The following PTGER1 variants were observed in gnomAD, a reference collection of about 807,000 sequenced individuals.
PTGER1 encodes prostaglandin E receptor 1.
In PTGER1, 15 loss-of-function variants were observed where a neutral mutation model predicts 18.5. The ratio of observed to expected loss-of-function variants is 0.81; its 90% confidence interval spans 0.54 to 1.25. The LOEUF is 1.25. Ranked by LOEUF, PTGER1 falls within the 50% of genes most tolerant of loss-of-function variation. The pLI is 0.00. For missense variants in PTGER1, 567 were observed against 603.4 expected, an observed-to-expected ratio of 0.94 and a Z score of 0.63; for synonymous variants, 339 against 308.4, an observed-to-expected ratio of 1.10 and a Z score of -1.04.
In PTGER1 at chr19:14,472,860, G is replaced by C. The variant is rs1335291177; in HGVS notation, c.943-34C>G. ...GAAGCCGGTGTGAGCTATAGAGCAG[G>C]CGCGGGCGCAGGGGGGCGCAGGGAT... is the stretch of plus-strand genomic sequence containing the variant. On this transcript the variant is annotated intron_variant, in intron 2 of 2. Transcript: ENST00000292513. 3 of 1,523,290 alleles carry C rather than the reference G, an allele frequency of 2.0e-6. No homozygotes were observed. In the African/African-American group the frequency reaches 4.1e-5, roughly 21 times the overall value. The allele number at this position is 1,523,290 out of a possible 1,614,324, so 94.4% of individuals were successfully genotyped here.
At position 14,472,777 on chromosome 19, in the gene PTGER1, C is replaced by G. The variant is rs202117617; in HGVS notation, c.992G>C (p.Arg331Pro). 2.1e-5 allele frequency: 33 copies of G among 1,577,998 alleles called. No homozygotes were observed. The African/African-American group carries it at 4.3e-4, about 21-fold the overall frequency. The stretch of plus-strand genomic sequence containing the variant: ...AAGGCGCACGGCCAGGAACAGTGGC[C>G]GCTGCAGGGAGGTAGAGCTCCAGCC... ...VGGWSSTSLQ[R>P]PLFLAVRLAS... Residue 331 changes from arginine to proline, a missense_variant, in exon 3 of 3, where the codon CGG becomes CCG. Coordinates refer to ENST00000292513, the MANE Select transcript of PTGER1 (RefSeq NM_000955.3).
In PTGER1 at chr19:14,472,872, G is replaced by C. The variant is rs10419296; in HGVS notation, c.943-46C>G. 0.021 allele frequency: 31,110 copies of C among 1,506,512 alleles called. 4,945 individuals carry two copies. In the African/African-American group the frequency reaches 0.36, roughly 17 times the overall value. 93.3% of individuals were successfully genotyped at this position (1,506,512 alleles called of 1,614,324 possible). On this transcript the variant is annotated intron_variant, in intron 2 of 2. Coordinates refer to ENST00000292513, the MANE Select transcript of PTGER1 (RefSeq NM_000955.3). ...AGCTATAGAGCAGGCGCGGGCGCAG[G>C]GGGGCGCAGGGATGGTGGGGGCGTG... is the stretch of plus-strand genomic sequence containing the variant.
chr19:14,474,012 G>A lies in PTGER1; in HGVS notation c.309C>T (p.Arg103=). ...ALVLRLYTAG[R]APAGGACHFL... is the part of the protein sequence containing the mutation. Reference sequence around the variant, plus strand: ...AGTGGCAGGCCCCGCCGGCCGGAGCGCGCCCCGCAGTGTACAGACGCAGCA... The same window carrying A: ...AGTGGCAGGCCCCGCCGGCCGGAGCACGCCCCGCAGTGTACAGACGCAGCA... Residue 103 remains arginine (R), a synonymous_variant, in exon 2 of 3, where the codon CGC becomes CGT. Transcript: ENST00000292513. This position sits in a 1 kb window ranked among gnomAD's most constrained non-coding sequence, Gnocchi z 5.4. 1.3e-6 allele frequency: 2 copies of A among 1,500,200 alleles called. No individual in the cohort carries two copies. The highest frequency in any genetic ancestry group is 1.8e-6 in the Non-Finnish European group (2 of 1,129,350). 92.9% of individuals were successfully genotyped at this position (1,500,200 alleles called of 1,614,324 possible).
intron 2 of PTGER1, 55 bp from the exon 3 acceptor site, chr19:14,472,881 G>A: frequency 6.7e-7 from 1 of 1,485,516 alleles, no homozygotes; most frequent in Non-Finnish European, 9.0e-7. Flanking sequence ...GGGGGGCGCA[G>A]GGATGGTGGG....
In PTGER1 at chr19:14,473,820, G is replaced by A; in HGVS notation, c.501C>T (p.Ala167=). 1.5e-6 allele frequency: 2 copies of A among 1,336,854 alleles called. No homozygotes were observed. Among genetic ancestry groups the A allele is most frequent in the Non-Finnish European group, 1.9e-6 (2 of 1,045,730 alleles). The allele number at this position is 1,336,854 out of a possible 1,614,324, so 82.8% of individuals were successfully genotyped here. Residue 167 remains alanine, a synonymous_variant, in exon 2 of 3, where the codon GCC becomes GCT. Coordinates refer to ENST00000292513, the MANE Select transcript of PTGER1 (RefSeq NM_000955.3). The surrounding 1 kb of genome is among the most constrained non-coding windows in gnomAD (Gnocchi z 7.1). ...ALAAVAAVAL[A]VALLPLARVG... is the part of the protein sequence containing the mutation. ...CGCGCGCCAGCGGCAGCAGCGCCAC[G>A]GCCAAGGCCACCGCGGCCACCGCGG... is the stretch of plus-strand genomic sequence containing the variant.
rs748903258 is a variant in PTGER1, at chr19:14,472,703, G to A, written c.1066C>T (p.Gln356Ter). The A allele has an allele frequency of 1.2e-6, 2 of 1,611,908 alleles. No homozygotes were observed. Among genetic ancestry groups the A allele is most frequent in the Non-Finnish European group, 1.7e-6 (2 of 1,179,106 alleles). The change falls in exon 3 of 3, where the codon CAG becomes TAG. Residue 356 changes from glutamine (Q) to a stop codon, truncating the protein, a stop_gained. Coordinates refer to ENST00000292513, the MANE Select transcript of PTGER1 (RefSeq NM_000955.3). LOFTEE classifies it low-confidence loss of function (END_TRUNC). ...CGAAGCAGTTGGCGCAGCACGGCCT[G>A]GCGCAGTAGGATGTACACCCAAGGG... Reference protein sequence around the residue: ...LDPWVYILLRQAVLRQLLRLL... With the variant: ...LDPWVYILLR
Position 14,472,692 on chromosome 19 carries a change from C to T in PTGER1, c.1077G>A (p.Leu359=), listed in dbSNP as rs1459663924. Residue 359 remains leucine (L), a synonymous_variant, in exon 3 of 3, where the codon CTG becomes CTA. Coordinates refer to ENST00000292513, the MANE Select transcript of PTGER1 (RefSeq NM_000955.3). Reference sequence around the variant, plus strand: ...GGGGCAAGAGGCGAAGCAGTTGGCGCAGCACGGCCTGGCGCAGTAGGATGT... The same window carrying T: ...GGGGCAAGAGGCGAAGCAGTTGGCGTAGCACGGCCTGGCGCAGTAGGATGT... The part of the protein sequence containing the change: ...WVYILLRQAV[L]RQLLRLLPPR... The T allele has an allele frequency of 3.1e-6, 5 of 1,611,868 alleles. No individual in the cohort carries two copies. The highest frequency in any genetic ancestry group is 3.3e-5 in the Admixed American group (2 of 59,746).
At position 14,474,028 on chromosome 19, in the gene PTGER1, A is replaced by T; in HGVS notation, c.293T>A (p.Leu98Gln). The part of the protein sequence containing the change: ...HVIPGALVLR[L>Q]YTAGRAPAGG... Reference sequence around the variant, plus strand: ...GGCCGGAGCGCGCCCCGCAGTGTACAGACGCAGCACCAGCGCGCCCGGGAT... The same window carrying T: ...GGCCGGAGCGCGCCCCGCAGTGTACTGACGCAGCACCAGCGCGCCCGGGAT... The change falls in exon 2 of 3, where the codon CTG becomes CAG. Residue 98 changes from leucine (L) to glutamine (Q), a missense_variant. Leu to Gln is a moderately radical substitution (Grantham distance 113, BLOSUM62 -2). Transcript: ENST00000292513. This position sits in a 1 kb window ranked among gnomAD's most constrained non-coding sequence, Gnocchi z 5.4. The T allele has an allele frequency of 6.7e-7, 1 of 1,499,682 alleles. No individual in the cohort carries two copies. Among genetic ancestry groups the T allele is most frequent in the Non-Finnish European group, 8.9e-7 (1 of 1,129,590 alleles). 92.9% of individuals were successfully genotyped at this position (1,499,682 alleles called of 1,614,324 possible).
rs758061392 is a variant in PTGER1, at chr19:14,472,805, C to G, written c.964G>C (p.Gly322Arg). Residue 322 changes from glycine (G) to arginine (R), a missense_variant, in exon 3 of 3, where the codon GGC becomes CGC. Coordinates refer to ENST00000292513, the MANE Select transcript of PTGER1 (RefSeq NM_000955.3). ...PMLVLVALAV[G>R]GWSSTSLQRP... Reference sequence around the variant, plus strand: ...TGCAGGGAGGTAGAGCTCCAGCCGCCGACGGCCAGCGCCACCAACACCTGC... The same window carrying G: ...TGCAGGGAGGTAGAGCTCCAGCCGCGGACGGCCAGCGCCACCAACACCTGC... The G allele has an allele frequency of 1.2e-5, 19 of 1,555,450 alleles. No homozygotes were observed. In the African/African-American group the frequency reaches 2.5e-4, roughly 20 times the overall value.
chr19:14,472,647 G>A lies in PTGER1; in HGVS notation c.1122C>T (p.Gly374=), dbSNP rs200174423. The change falls in exon 3 of 3, where the codon GGC becomes GGT. Residue 374 remains glycine, a synonymous_variant. Coordinates refer to ENST00000292513, the MANE Select transcript of PTGER1 (RefSeq NM_000955.3). ...RLLPPRAGAK[G]GPAGLGLTPS... is the part of the protein sequence containing the mutation. The stretch of plus-strand genomic sequence containing the variant: ...GTGTTAGGCCCAGCCCCGCGGGGCC[G>A]CCCTTGGCTCCGGCCCTCGGGGGCA... The A allele has an allele frequency of 1.3e-4, 210 of 1,607,814 alleles. 2 individuals are homozygous for A. Among genetic ancestry groups the A allele is most frequent in the Non-Finnish European group, 3.1e-5 (36 of 1,178,020 alleles).
chr19:14,474,323 C>A lies in PTGER1; in HGVS notation c.-3G>T. ...TTGAGGGGCCCGCAAGGGCTCATGT[C>A]AGGCGCCAGGGGTGCTGGATAGAGG... On this transcript the variant is annotated 5_prime_UTR_variant, in exon 2 of 3. Coordinates refer to ENST00000292513, the MANE Select transcript of PTGER1 (RefSeq NM_000955.3). The surrounding 1 kb of genome is among the most constrained non-coding windows in gnomAD (Gnocchi z 5.4). 1 of 1,522,208 alleles carries A rather than the reference C, an allele frequency of 6.6e-7. No individual in the cohort carries two copies. The highest frequency in any genetic ancestry group is 1.2e-5 in the South Asian group (1 of 83,246). The allele number at this position is 1,522,208 out of a possible 1,614,324, so 94.3% of individuals were successfully genotyped here. A position where few individuals can be genotyped will look rare whatever the true frequency, so the allele number is the denominator to read the frequency against.
In PTGER1 at chr19:14,472,600, G is replaced by A. The variant is rs760999667; in HGVS notation, c.1169C>T (p.Ser390Leu). The change falls in exon 3 of 3, where the codon TCG (serine) becomes TTG (leucine). Residue 390 changes from serine (S) to leucine (L), a missense_variant. Physicochemically the swap from Ser to Leu is moderately radical, Grantham distance 145 (BLOSUM62 -2). Coordinates refer to ENST00000292513, the MANE Select transcript of PTGER1 (RefSeq NM_000955.3). ...GLTPSAWEAS[S>L]LRSSRHSGLS... is the part of the protein sequence containing the mutation. ...GCCGCTGTGCCGGGAGCTGCGCAGC[G>A]AGCTGGCCTCCCAGGCGCTCGGTGT... 7 of 1,599,938 alleles carry A rather than the reference G, an allele frequency of 4.4e-6. No homozygotes were observed. In the East Asian group the frequency reaches 9.0e-5, roughly 21 times the overall value.
At position 14,473,350 on chromosome 19, in the gene PTGER1, G is replaced by A. The variant is rs1222526631; in HGVS notation, c.942+29C>T. On this transcript the variant is annotated intron_variant, in intron 2 of 2. Coordinates refer to ENST00000292513, the MANE Select transcript of PTGER1 (RefSeq NM_000955.3). This position sits in a 1 kb window ranked among gnomAD's most constrained non-coding sequence, Gnocchi z 7.1. ...GTGCCGAGAGGGAGCGGGAAGGAGC[G>A]TGGCTCGAGGGGCCGGTGCGCCCCT... The A allele has an allele frequency of 1.3e-6, 2 of 1,556,284 alleles. No individual in the cohort carries two copies. The highest frequency in any genetic ancestry group is 1.2e-5 in the South Asian group (1 of 85,416).
In PTGER1 at chr19:14,473,505, G is replaced by A. The variant is rs3745459; in HGVS notation, c.816C>T (p.Ala272=). 0.017 allele frequency: 26,726 copies of A among 1,579,088 alleles called. 404 individuals are homozygous for A. Among genetic ancestry groups the A allele is most frequent in the East Asian group, 0.074 (3,207 of 43,062 alleles). The change falls in exon 2 of 3, where the codon GCC becomes GCT. Residue 272 remains alanine, a synonymous_variant. Transcript: ENST00000292513. This position sits in a 1 kb window ranked among gnomAD's most constrained non-coding sequence, Gnocchi z 7.1. ...SASSASSIAS[A]STFFGGSRSS... is the part of the protein sequence containing the mutation. ...TCCGAGAGCCGCCAAAGAAGGTGGA[G>A]GCCGAAGCGATGGACGAGGCGGACG...
chr19:14,473,615 G>A lies in PTGER1; in HGVS notation c.706C>T (p.Arg236Cys). 1 of 1,463,714 alleles carries A rather than the reference G, an allele frequency of 6.8e-7. No homozygotes were observed. The highest frequency in any genetic ancestry group is 1.3e-5 in the South Asian group (1 of 74,594). The allele number at this position is 1,463,714 out of a possible 1,614,324, so 90.7% of individuals were successfully genotyped here. A position where few individuals can be genotyped will look rare whatever the true frequency, so the allele number is the denominator to read the frequency against. Residue 236 changes from arginine (R) to cysteine (C), a missense_variant, in exon 2 of 3, where the codon CGC becomes TGC. By Grantham distance (180) the Arg-to-Cys change is radical (BLOSUM62 -3). Coordinates refer to ENST00000292513, the MANE Select transcript of PTGER1 (RefSeq NM_000955.3). This position sits in a 1 kb window ranked among gnomAD's most constrained non-coding sequence, Gnocchi z 7.1. ...GCCGGGGGAGGCCGTCGGGAGCGGCGTCGCCAGCGGGCGCGTAGCAGGGCC... is the reference window on the plus strand; with the variant it reads ...GCCGGGGGAGGCCGTCGGGAGCGGCATCGCCAGCGGGCGCGTAGCAGGGCC... ...GLALLRARWRRRSRRPPPASG... is the reference protein window; with the variant it reads ...GLALLRARWRCRSRRPPPASG...
At position 14,473,836 on chromosome 19, in the gene PTGER1, G is replaced by A. The variant is rs1175494770; in HGVS notation, c.485C>T (p.Ala162Val). 1.6e-6 allele frequency: 2 copies of A among 1,258,284 alleles called. No homozygotes were observed. The highest frequency in any genetic ancestry group is 3.4e-5 in the East Asian group (1 of 29,494). 77.9% of individuals were successfully genotyped at this position (1,258,284 alleles called of 1,614,324 possible). ...ARARLALAAV[A>V]AVALAVALLP... ...CAGCGCCACGGCCAAGGCCACCGCGGCCACCGCGGCCAGCGCCAGGCGCGC... is the reference window on the plus strand; with the variant it reads ...CAGCGCCACGGCCAAGGCCACCGCGACCACCGCGGCCAGCGCCAGGCGCGC... The change falls in exon 2 of 3, where the codon GCC becomes GTC. Residue 162 changes from alanine (A) to valine (V), a missense_variant. Physicochemically the swap from Ala to Val is moderately conservative, Grantham distance 64. Coordinates refer to ENST00000292513, the MANE Select transcript of PTGER1 (RefSeq NM_000955.3). This position sits in a 1 kb window ranked among gnomAD's most constrained non-coding sequence, Gnocchi z 7.1.
At position 14,473,747 on chromosome 19, in the gene PTGER1, G is replaced by A. The variant is rs2071588945; in HGVS notation, c.574C>T (p.Leu192=). 1.4e-6 allele frequency: 2 copies of A among 1,458,042 alleles called. No homozygotes were observed. The highest frequency in any genetic ancestry group is 2.5e-5 in the Admixed American group (1 of 40,266). 90.3% of individuals were successfully genotyped at this position (1,458,042 alleles called of 1,614,324 possible). ...TGGCGCCAGCCGCCCGGGGGACCCAGGCCGATGAAGCACCACGTGCCCGGG... is the reference window on the plus strand; with the variant it reads ...TGGCGCCAGCCGCCCGGGGGACCCAAGCCGATGAAGCACCACGTGCCCGGG... ...QYPGTWCFIG[L]GPPGGWRQAL... Residue 192 remains leucine (L), a synonymous_variant, in exon 2 of 3, where the codon CTG becomes TTG. Transcript: ENST00000292513. This position sits in a 1 kb window ranked among gnomAD's most constrained non-coding sequence, Gnocchi z 7.1.
At position 14,473,322 on chromosome 19, in the gene PTGER1, A is replaced by C; in HGVS notation, c.942+57T>G. 2 of 1,539,738 alleles carry C rather than the reference A, an allele frequency of 1.3e-6. No homozygotes were observed. Among genetic ancestry groups the C allele is most frequent in the Non-Finnish European group, 1.7e-6 (2 of 1,147,548 alleles). On this transcript the variant is annotated intron_variant, in intron 2 of 2. Coordinates refer to ENST00000292513, the MANE Select transcript of PTGER1 (RefSeq NM_000955.3). This position sits in a 1 kb window ranked among gnomAD's most constrained non-coding sequence, Gnocchi z 7.1. ...GTGTCCTGGGACGACAAAGGGCGGG[A>C]GGGTGCCGAGAGGGAGCGGGAAGGA...
rs1181023151 is a variant in PTGER1 at position 14,473,030 on chromosome 19, G to A, written c.943-204C>T. On this transcript the variant is annotated intron_variant, in intron 2 of 2. Coordinates refer to ENST00000292513, the MANE Select transcript of PTGER1 (RefSeq NM_000955.3). The surrounding 1 kb of genome is among the most constrained non-coding windows in gnomAD (Gnocchi z 7.1). Reference sequence around the variant, plus strand: ...ACCTTCAGTGGGTGGGGGTCCGGCCGTAGAGGAGTCTCAGGTGTCCCGGAA... The same window carrying A: ...ACCTTCAGTGGGTGGGGGTCCGGCCATAGAGGAGTCTCAGGTGTCCCGGAA... Among the ~76,000 whole-genome samples, 3 of 152,142 alleles carry A rather than the reference G, an allele frequency of 2.0e-5. No individual in the cohort carries two copies. Among genetic ancestry groups the A allele is most frequent in the Non-Finnish European group, 4.4e-5 (3 of 68,030 alleles).
Sources: allele counts gnomAD v4.1 joint callset (sites outside exome capture counted in the v4.1 genomes callset), GRCh38; gene constraint gnomAD v4.1.1; non-coding constraint Gnocchi (gnomAD v3.1); transcripts MANE v1.5; gene names NCBI Gene and HGNC (gene_info 2026-07-23, HGNC 2026-07-21).